The following PIP5K1A variants were observed in gnomAD, a reference collection of about 807,000 sequenced individuals.
PIP5K1A encodes the protein phosphatidylinositol 4-phosphate 5-kinase type-1 alpha.
A neutral mutation model predicts 72.9 loss-of-function variants in PIP5K1A; 46 were observed. The observed-to-expected ratio is 0.63, with a 90% CI of 0.50 to 0.81. The LOEUF is 0.81. PIP5K1A is among the 30% of genes least tolerant of loss of function. The probability of loss-of-function intolerance (pLI) is 0.00; values close to 1 mark genes in which losing one functional copy is unlikely to be tolerated. For missense variants in PIP5K1A, 458 were observed against 706.1 expected (o/e 0.65, Z 3.98); for synonymous variants, 228 against 255.1 (o/e 0.89, Z 1.01).
chr1:151,207,781 C>T (rs1047275663), intron 1 of PIP5K1A, among the ~76,000 whole-genome samples: 16 of 151,496 alleles, frequency 1.1e-4, no homozygotes, highest in African/African-American at 2.2e-4. Context: ...CTGCCTGCAT[C>T]GGCCTCCCAA....
chr1:151,218,112 CA>C (rs982662699), intron 1 of PIP5K1A, among the ~76,000 whole-genome samples: 1 of 152,030 alleles, frequency 6.6e-6, no homozygotes, highest in African/African-American at 2.4e-5. Context: ...GTTACAAAGA[CA>C]AAAAGGTATT....
intron 1 of PIP5K1A, among the ~76,000 whole-genome samples, chr1:151,216,585 A>AT (rs1687653358): frequency 6.6e-6 from 1 of 151,952 alleles, no homozygotes; most frequent in Non-Finnish European, 1.5e-5. Flanking sequence ...CTTAATGTTC[A>AT]TTTCCTTTTG....
chr1:151,216,900 G>GTT lies in PIP5K1A; in HGVS notation c.86-7316_86-7315dup, dbSNP rs78155966. On this transcript the variant is annotated intron_variant, in intron 1 of 15. Transcript: ENST00000368888. ...ACCCAAGGTTACCTACTTAGTAAAT[G>GTT]TTTTTTTTTTTTTTTTTTTTTTTTT... 5.8e-4 allele frequency among the ~76,000 whole-genome samples: 79 copies of GTT among 136,764 alleles called. 1 individual carries two copies. Among genetic ancestry groups the GTT allele is most frequent in the South Asian group, 1.7e-3 (7 of 4,068 alleles). 89.7% of individuals were successfully genotyped at this position (136,764 alleles called of 152,430 possible).
At chr1:151,208,015 C>T (rs587671127) in intron 1 of PIP5K1A, among the ~76,000 whole-genome samples, 2 of 152,088 alleles carry the variant, frequency 1.3e-5, no homozygotes, top group East Asian at 3.9e-4. Flanking sequence ...CATGCCACCA[C>T]GCCTGGCTAA....
At chr1:151,232,154 C>T (rs1214821594) in intron 5 of PIP5K1A, 94 bp from the exon 6 acceptor site, 1 of 824,736 alleles carries the variant, frequency 1.2e-6, no homozygotes, top group Non-Finnish European at 2.1e-6. Context: ...CCCCCACTCC[C>T]CCCACCATGA....
chr1:151,246,945 G>T lies in PIP5K1A; in HGVS notation c.1666G>T (p.Ala556Ser), dbSNP rs1227546261. The change falls in exon 15 of 16, where the codon GCA becomes TCA. Residue 556 changes from alanine (A) to serine (S), a missense_variant. Transcript: ENST00000368888. ...TACAACCTTGGAAAAGCTTGAAGTT[G>T]CAGAGTCAGAGTTCACCCATGTGAG... ...TSTTLEKLEV[A>S]ESEFTH The T allele has an allele frequency of 6.2e-7, 1 of 1,613,340 alleles. No individual in the cohort carries two copies. Among genetic ancestry groups the T allele is most frequent in the Non-Finnish European group, 8.5e-7 (1 of 1,179,516 alleles).
At chr1:151,214,101 A>G (rs1472748991) in intron 1 of PIP5K1A, among the ~76,000 whole-genome samples, 2 of 152,140 alleles carry the variant, frequency 1.3e-5, no homozygotes, top group Admixed American at 1.3e-4. Flanking sequence ...CCATAAATAT[A>G]CATAAAAATA....
intron 2 of PIP5K1A, 43 bp downstream of exon 2, chr1:151,224,322 T>C (rs1310712838): frequency 1.2e-6 from 2 of 1,610,000 alleles, no homozygotes. Flanking sequence ...ACCTTAATTC[T>C]GGGATAGAAG....
intron 14 of PIP5K1A, among the ~76,000 whole-genome samples, chr1:151,244,253 A>G (rs1234311463): frequency 6.6e-6 from 1 of 152,094 alleles, no homozygotes; most frequent in East Asian, 1.9e-4. Context: ...TGTACTTAAC[A>G]TGTACAGACT....
At chr1:151,247,415 T>C (rs1310382629) in intron 15 of PIP5K1A, among the ~76,000 whole-genome samples, 1 of 147,468 alleles carries the variant, frequency 6.8e-6, no homozygotes, top group Non-Finnish European at 1.5e-5. Context: ...CCGTGAGCCA[T>C]TGCACCCAGC....
chr1:151,229,512 C>T (rs1689717313), intron 4 of PIP5K1A, among the ~76,000 whole-genome samples: 1 of 151,668 alleles, frequency 6.6e-6, no homozygotes, highest in Non-Finnish European at 1.5e-5. Context: ...CAGGCATGCA[C>T]CACCATGCCT....
Position 151,249,219 on chromosome 1 carries a change from T to TTA in PIP5K1A, c.*1355_*1356dup, listed in dbSNP as rs1034401496. Reference sequence around the variant, plus strand: ...CCCATACCCCAAATAACTGTCTATATTAGACACCCCCAGCCAGTTTCTGGC... The same window carrying TTA: ...CCCATACCCCAAATAACTGTCTATATTATAGACACCCCCAGCCAGTTTCTGGC... On this transcript the variant is annotated 3_prime_UTR_variant, in exon 16 of 16. Transcript: ENST00000368888. 1 of 152,296 alleles carries TTA rather than the reference T, an allele frequency of 6.6e-6. No individual in the cohort carries two copies. The highest frequency in any genetic ancestry group is 2.4e-5 in the African/African-American group (1 of 41,574). The allele number at this position is 152,296 out of a possible 1,614,324, so 9.4% of individuals were successfully genotyped here. A position where few individuals can be genotyped will look rare whatever the true frequency, so the allele number is the denominator to read the frequency against.
intron 5 of PIP5K1A, 123 bp downstream of exon 5, chr1:151,231,924 A>G: frequency 3.4e-6 from 3 of 882,798 alleles, no homozygotes; most frequent in Non-Finnish European, 5.5e-6. Flanking sequence ...CCTGGTTACA[A>G]TCAGGGCGAT....
Position 151,248,206 on chromosome 1 carries a change from C to T in PIP5K1A, c.*341C>T, listed in dbSNP as rs1692772650. The T allele has an allele frequency of 2.7e-6, 1 of 368,646 alleles. No individual in the cohort carries two copies. The highest frequency in any genetic ancestry group is 5.0e-6 in the Non-Finnish European group (1 of 199,866). 22.8% of individuals were successfully genotyped at this position (368,646 alleles called of 1,614,324 possible). On this transcript the variant is annotated 3_prime_UTR_variant, in exon 16 of 16. Coordinates refer to ENST00000368888, the MANE Select transcript of PIP5K1A (RefSeq NM_001135638.2). ...TCATGCTGGAAATGGGATTGCTGGA[C>T]TTGGCAGCTTTCTTTCCCCTCGTCT...
At chr1:151,241,827 C>CA (rs1485804239) in intron 12 of PIP5K1A, among the ~76,000 whole-genome samples, 1 of 150,254 alleles carries the variant, frequency 6.7e-6, no homozygotes, top group Non-Finnish European at 1.5e-5. Context: ...AGGAATTATG[C>CA]AATAGGGTAC....
At chr1:151,245,880 C>A (rs1182065952) in intron 14 of PIP5K1A, among the ~76,000 whole-genome samples, 1 of 152,126 alleles carries the variant, frequency 6.6e-6, no homozygotes, top group Non-Finnish European at 1.5e-5. Context: ...CACCTCAATT[C>A]CAGGTACAAA....
upstream of PIP5K1A, chr1:151,197,829 A>G (rs1033051983): frequency 1.2e-5 from 4 of 332,004 alleles, no homozygotes; most frequent in African/African-American, 6.5e-5. Flanking sequence ...TTCATAGCCT[A>G]CGGGGTACTT....
intron 1 of PIP5K1A, among the ~76,000 whole-genome samples, chr1:151,210,745 C>T (rs1686690068): frequency 6.6e-6 from 1 of 151,962 alleles, no homozygotes. Context: ...GCCACCATGC[C>T]CGGCTAATTT....
upstream of PIP5K1A, chr1:151,197,933 A>G: frequency 2.5e-6 from 1 of 399,994 alleles, no homozygotes. Flanking sequence ...TGACAGTTGG[A>G]GGCTAAAGGG....
Sources: gnomAD v4.1 joint callset for allele counts (sites outside exome capture counted in the v4.1 genomes callset) on GRCh38, gnomAD v4.1.1 for gene constraint, MANE v1.5 for transcripts, NCBI Gene and HGNC (gene_info 2026-07-23, HGNC 2026-07-21) for gene names.